PTPRT: variants seen among roughly 807,000 people sequenced by gnomAD.
PTPRT encodes the protein protein tyrosine phosphatase receptor type T.
In PTPRT, 56 loss-of-function variants were observed where a neutral mutation model predicts 176.8. The ratio of observed to expected loss-of-function variants is 0.32; its 90% CI spans 0.26 to 0.40. PTPRT has a LOEUF of 0.40. PTPRT is among the 10% of genes least tolerant of loss of function. The probability of loss-of-function intolerance (pLI) is 1.00; values close to 1 mark genes in which losing one functional copy is unlikely to be tolerated. For missense variants in PTPRT, 1,540 were observed against 1,908.2 expected (o/e 0.81, Z 3.60); for synonymous variants, 783 against 739.0 (o/e 1.06, Z -0.96).
At position 42,128,802 on chromosome 20, in the gene PTPRT, C is replaced by T. The variant is rs377229854; in HGVS notation, c.2799G>A (p.Val933=). The change falls in exon 19 of 31, where the codon GTG becomes GTA. Residue 933 remains valine (V), a synonymous_variant. Transcript: ENST00000373187. The stretch of plus-strand genomic sequence containing the variant: ...AGTCAGAGTGCGGGTCTCCATCCAG[C>T]ACCAGCAGCCTCACCCGGGAATGGT... The part of the protein sequence containing the change: ...SYDHSRVRLL[V]LDGDPHSDYI... 47 of 1,606,816 alleles carry T rather than the reference C, an allele frequency of 2.9e-5. 1 individual carries two copies. The highest frequency in any genetic ancestry group is 3.3e-5 in the Non-Finnish European group (39 of 1,176,046).
chr20:43,141,404 T>G (rs2013998282), intron 1 of PTPRT, among the ~76,000 whole-genome samples: 1 of 152,160 alleles, frequency 6.6e-6, no homozygotes, highest in Non-Finnish European at 1.5e-5. Flanking sequence ...CTGGGGTGAC[T>G]GGGGCAACCG....
rs187934359 is a variant in PTPRT, at chr20:43,043,170, G to A, written c.88+146476C>T. On this transcript the variant is annotated intron_variant, in intron 1 of 30. Coordinates refer to ENST00000373187, the MANE Select transcript of PTPRT (RefSeq NM_007050.6). ...CCAGATGCCAGGAACCTGGTCCCCTGCAAGTTGAAGTGCTGATTGCAAATA... is the reference window on the plus strand; with the variant it reads ...CCAGATGCCAGGAACCTGGTCCCCTACAAGTTGAAGTGCTGATTGCAAATA... 2.4e-3 allele frequency among the ~76,000 whole-genome samples: 362 copies of A among 152,278 alleles called. 1 individual carries two copies. Among genetic ancestry groups the A allele is most frequent in the African/African-American group, 8.6e-3 (358 of 41,562 alleles).
chr20:42,740,982 A>T (rs553272593), intron 6 of PTPRT, among the ~76,000 whole-genome samples: 5 of 152,306 alleles, frequency 3.3e-5, no homozygotes, highest in East Asian at 1.9e-4. Flanking sequence ...TGAGAGAGAG[A>T]GTGTGCATGT....
At chr20:42,587,439 G>A (rs1444643030) in intron 7 of PTPRT, among the ~76,000 whole-genome samples, 3 of 152,206 alleles carry the variant, frequency 2.0e-5, no homozygotes, top group Non-Finnish European at 2.9e-5. Context: ...TTGACCCAAG[G>A]CAGAGCCCTG....
At chr20:42,067,860 T>C (rs1399286536), downstream of PTPRT, among the ~76,000 whole-genome samples, 1 of 152,152 alleles carries the variant, frequency 6.6e-6, no homozygotes, top group Admixed American at 6.5e-5. Flanking sequence ...GTTTCCCAGC[T>C]AGTGTTCCCC....
rs750134957 is a variant in PTPRT, at chr20:42,084,697, G to C, written c.4121C>G (p.Thr1374Ser). Residue 1374 changes from threonine to serine, a missense_variant, in exon 29 of 31, where the codon ACT becomes AGT. Transcript: ENST00000373187. ...TAGTACTCACAGGCAGTGGACCACA[G>C]TACGTCCCTCCCTCCCGTCATACTG... ...QEQYDGREGRTVVHCLNGGGR... is the reference protein window; with the variant it reads ...QEQYDGREGRSVVHCLNGGGR... 2 of 1,540,976 alleles carry C rather than the reference G, an allele frequency of 1.3e-6. No individual in the cohort carries two copies. Among genetic ancestry groups the C allele is most frequent in the Non-Finnish European group, 1.8e-6 (2 of 1,137,966 alleles).
intron 12 of PTPRT, among the ~76,000 whole-genome samples, chr20:42,304,147 CCTTTGACATCTCAATCCCTCTCTTTCTTT>C (rs1219413943): frequency 1.3e-5 from 2 of 152,172 alleles, no homozygotes; most frequent in African/African-American, 4.8e-5. Context: ...TCCCAAACTT[CCTTTGACATCTCAATCCCTCTCTTTCTTT>C]CAGGCAGCCA....
chr20:42,491,171 G>A (rs1449378680), intron 7 of PTPRT, among the ~76,000 whole-genome samples: 3 of 152,040 alleles, frequency 2.0e-5, no homozygotes, highest in African/African-American at 4.8e-5. Context: ...TTTAACATAC[G>A]ATGTATTTTC....
chr20:42,723,443 C>T (rs1018567502), intron 6 of PTPRT, among the ~76,000 whole-genome samples: 1 of 152,148 alleles, frequency 6.6e-6, no homozygotes, highest in Non-Finnish European at 1.5e-5. Flanking sequence ...GGGGCAGCTC[C>T]CACAGAGCTC....
chr20:42,266,224 T>C (rs1156479286), intron 13 of PTPRT, among the ~76,000 whole-genome samples: 2 of 152,180 alleles, frequency 1.3e-5, no homozygotes, highest in Non-Finnish European at 2.9e-5. Context: ...TTTTAAGGAA[T>C]GGAGTTTGGG....
At chr20:42,104,852 T>A in intron 24 of PTPRT, 134 bp from the exon 25 acceptor site, 1 of 999,754 alleles carries the variant, frequency 1.0e-6, no homozygotes, top group Non-Finnish European at 1.4e-6. Flanking sequence ...TTACTTTTTA[T>A]ACTGTAACCC....
intron 9 of PTPRT, among the ~76,000 whole-genome samples, chr20:42,374,868 G>C (rs1045401880): frequency 6.6e-6 from 1 of 152,262 alleles, no homozygotes; most frequent in Non-Finnish European, 1.5e-5. Context: ...CAAGAAGTTA[G>C]TAACAACTAG....
intron 1 of PTPRT, among the ~76,000 whole-genome samples, chr20:43,065,225 T>C (rs776884355): frequency 1.3e-5 from 2 of 152,236 alleles, no homozygotes; most frequent in African/African-American, 4.8e-5. Context: ...TCTGCGTTCA[T>C]GCCACAGTCC....
chr20:42,182,391 G>T (rs1188401412), intron 16 of PTPRT, among the ~76,000 whole-genome samples: 1 of 152,188 alleles, frequency 6.6e-6, no homozygotes, highest in Non-Finnish European at 1.5e-5. Flanking sequence ...AAAGGAGAAT[G>T]ATGGGATAGA....
At chr20:43,058,440 G>A (rs1242814566) in intron 1 of PTPRT, among the ~76,000 whole-genome samples, 2 of 151,930 alleles carry the variant, frequency 1.3e-5, no homozygotes, top group Non-Finnish European at 2.9e-5. Flanking sequence ...GAGAAAAGAG[G>A]ATGGAAGGAA....
At chr20:42,482,794 T>TC (rs1568919194) in intron 7 of PTPRT, among the ~76,000 whole-genome samples, 1 of 152,168 alleles carries the variant, frequency 6.6e-6, no homozygotes, top group Admixed American at 6.5e-5. Context: ...TTACTTTTTT[T>TC]CCCACGGCTT....
chr20:42,372,722 G>A (rs2058603339), intron 9 of PTPRT, among the ~76,000 whole-genome samples: 1 of 152,110 alleles, frequency 6.6e-6, no homozygotes, highest in African/African-American at 2.4e-5. Context: ...CTTTGGGAGG[G>A]CAGAACTGTC....
chr20:42,780,497 T>C (rs556419449), intron 3 of PTPRT, among the ~76,000 whole-genome samples, 198 bp from the exon 4 acceptor site: 2 of 152,292 alleles, frequency 1.3e-5, no homozygotes, highest in East Asian at 3.9e-4. Context: ...CTTTGGTGGC[T>C]AGCAAAAGAA....
chr20:42,502,405 A>AAC (rs11467404), intron 7 of PTPRT, among the ~76,000 whole-genome samples: 11,134 of 137,242 alleles, frequency 0.081, 456 homozygotes, highest in East Asian at 0.12. Context: ...TATGTATACA[A>AAC]ACACACACAC....
Sources: allele counts gnomAD v4.1 joint callset (sites outside exome capture counted in the v4.1 genomes callset), GRCh38; gene constraint gnomAD v4.1.1; transcripts MANE v1.5; gene names NCBI Gene and HGNC (gene_info 2026-07-23, HGNC 2026-07-21).